PLCG2: variants seen among roughly 807,000 people sequenced by gnomAD.
PLCG2 encodes 1-phosphatidylinositol 4,5-bisphosphate phosphodiesterase gamma-2.
In PLCG2, 69 loss-of-function variants were observed where a neutral mutation model predicts 175.6. The observed-to-expected ratio is 0.39, with a 90% CI of 0.32 to 0.48. PLCG2 has a LOEUF of 0.48. Among genes scored for constraint, PLCG2 ranks in the 20% least tolerant of loss-of-function variants. The probability of loss-of-function intolerance (pLI) is 0.91; values close to 1 mark genes in which losing one functional copy is unlikely to be tolerated. For missense variants in PLCG2, 1,798 were observed against 1,650.9 expected (o/e 1.09, Z -1.54); for synonymous variants, 827 against 624.0 (o/e 1.33, Z -4.85).
At chr16:81,892,080 G>C (rs984069414) in intron 11 of PLCG2, among the ~76,000 whole-genome samples, 1 of 152,190 alleles carries the variant, frequency 6.6e-6, no homozygotes, top group Admixed American at 6.5e-5. Flanking sequence ...GCTGATGTGG[G>C]GAGCAGGTGG....
intron 2 of PLCG2, among the ~76,000 whole-genome samples, chr16:81,822,904 C>T (rs1904868424): frequency 6.6e-6 from 1 of 152,206 alleles, no homozygotes; most frequent in South Asian, 2.1e-4. Context: ...GCGGCCACTG[C>T]AAGGTGAAAA....
intron 19 of PLCG2, among the ~76,000 whole-genome samples, chr16:81,918,484 A>G (rs1909932567): frequency 6.6e-6 from 1 of 152,132 alleles, no homozygotes; most frequent in Non-Finnish European, 1.5e-5. Flanking sequence ...AGGTTTCCCA[A>G]CCCTACTTAT....
At chr16:81,905,288 G>A in intron 14 of PLCG2, 115 bp from the exon 15 acceptor site, 1 of 696,534 alleles carries the variant, frequency 1.4e-6, no homozygotes, top group South Asian at 1.7e-5. Context: ...AAGCCAGGCA[G>A]CAAGAACAGG....
chr16:81,819,596 A>T (rs1278549428), intron 2 of PLCG2, among the ~76,000 whole-genome samples: 1 of 152,030 alleles, frequency 6.6e-6, no homozygotes, highest in Admixed American at 6.6e-5. Flanking sequence ...TATTATTATT[A>T]TTTTTTGAGA....
At chr16:81,912,884 C>T (rs925135909) in intron 19 of PLCG2, among the ~76,000 whole-genome samples, 168 bp downstream of exon 19, 1 of 152,266 alleles carries the variant, frequency 6.6e-6, no homozygotes, top group Admixed American at 6.5e-5. Flanking sequence ...AATGTGCGCT[C>T]CTGCGTGCCA....
chr16:81,923,528 G>T lies in PLCG2; in HGVS notation c.2351G>T (p.Arg784Leu). 6.2e-7 allele frequency: 1 copy of T among 1,613,852 alleles called. No individual in the cohort carries two copies. Among genetic ancestry groups the T allele is most frequent in the Non-Finnish European group, 8.5e-7 (1 of 1,179,840 alleles). Residue 784 changes from arginine (R) to leucine (L), a missense_variant, in exon 22 of 33, where the codon CGA (arginine) becomes CTA (leucine). Arg to Leu is a moderately radical substitution (Grantham distance 102). Coordinates refer to ENST00000564138, the MANE Select transcript of PLCG2 (RefSeq NM_002661.5). Reference protein sequence around the residue: ...VKALYDYKAKRSDELSFCRGA... With the variant: ...VKALYDYKAKLSDELSFCRGA... ...GCTCTGTATGACTACAAAGCCAAGCGAAGCGATGAGCTGAGCTTCTGCCGT... is the reference window on the plus strand; with the variant it reads ...GCTCTGTATGACTACAAAGCCAAGCTAAGCGATGAGCTGAGCTTCTGCCGT...
intron 2 of PLCG2, among the ~76,000 whole-genome samples, chr16:81,762,693 C>T (rs564656234): frequency 6.6e-6 from 1 of 152,090 alleles, no homozygotes; most frequent in South Asian, 2.1e-4. Context: ...GACTTCCTGA[C>T]AATGGGAAAA....
chr16:81,919,387 C>A, intron 19 of PLCG2, 97 bp from the exon 20 acceptor site: 1 of 886,524 alleles, frequency 1.1e-6, no homozygotes, highest in Non-Finnish European at 1.8e-6. Context: ...TTCTCTAAGG[C>A]TGGATAACTA....
chr16:81,802,743 G>A (rs1911789970), intron 2 of PLCG2, among the ~76,000 whole-genome samples: 1 of 151,896 alleles, frequency 6.6e-6, no homozygotes, highest in Admixed American at 6.6e-5. Context: ...AGCTGATTTT[G>A]TATTTTTAGT....
chr16:81,912,446 T>G, intron 18 of PLCG2, 151 bp from the exon 19 acceptor site: 1 of 908,958 alleles, frequency 1.1e-6, no homozygotes, highest in Non-Finnish European at 1.6e-6. Flanking sequence ...TGAGGTGCCT[T>G]TGTCTGGGGA....
intron 13 of PLCG2, among the ~76,000 whole-genome samples, chr16:81,899,334 A>G (rs1287351926): frequency 2.0e-5 from 3 of 151,924 alleles, no homozygotes; most frequent in East Asian, 1.9e-4. Flanking sequence ...ATATACGTAT[A>G]TATGTATATA....
chr16:81,883,999 C>T (rs755013777), intron 9 of PLCG2, among the ~76,000 whole-genome samples: 3 of 152,224 alleles, frequency 2.0e-5, no homozygotes, highest in Non-Finnish European at 4.4e-5. Context: ...AGGTCAACAC[C>T]AGGGATGTTC....
chr16:81,759,702 C>G (rs1049754224), intron 2 of PLCG2, among the ~76,000 whole-genome samples: 5 of 152,230 alleles, frequency 3.3e-5, no homozygotes, highest in South Asian at 2.1e-4. Flanking sequence ...CCAAGGATAG[C>G]TTATAGCTTG....
intron 2 of PLCG2, among the ~76,000 whole-genome samples, chr16:81,806,178 T>C (rs1437017689): frequency 6.6e-6 from 1 of 152,060 alleles, no homozygotes; most frequent in African/African-American, 2.4e-5. Flanking sequence ...TTCTGAGTGT[T>C]CAAAAGCCAC....
Position 81,805,767 on chromosome 16 carries a change from GTTTTTTTTTTTTTTTGTTT to G in PLCG2, c.193+19598_193+19616del, listed in dbSNP as rs943191397. On this transcript the variant is annotated intron_variant, in intron 2 of 32. Transcript: ENST00000564138. ...AGCCATGAGAGTAGTGTTTTGTTTTGTTTTTTTTTTTTTTTGTTTTTTTTTTTTTTTGCTGTTATTGTTG... is the reference window on the plus strand; with the variant it reads ...AGCCATGAGAGTAGTGTTTTGTTTTGTTTTTTTTTTTTGCTGTTATTGTTG... Among the ~76,000 whole-genome samples, 4 of 39,530 alleles carry G rather than the reference GTTTTTTTTTTTTTTTGTTT, an allele frequency of 1.0e-4. No homozygotes were observed. The East Asian group carries it at 1.6e-3, about 15-fold the overall frequency. The allele number at this position is 39,530 out of a possible 152,430, so 25.9% of individuals were successfully genotyped here.
chr16:81,898,888 T>G (rs1299601913), intron 13 of PLCG2, among the ~76,000 whole-genome samples: 1 of 152,148 alleles, frequency 6.6e-6, no homozygotes. Context: ...TGTGTATAAA[T>G]GAAATACAAA....
chr16:81,745,866 G>T (rs1366460454), intron 1 of PLCG2, among the ~76,000 whole-genome samples: 1 of 152,200 alleles, frequency 6.6e-6, no homozygotes, highest in African/African-American at 2.4e-5. Flanking sequence ...TTCAGAGGCC[G>T]AGTTCAGCGG....
At chr16:81,814,405 C>T (rs1361064807) in intron 2 of PLCG2, among the ~76,000 whole-genome samples, 1 of 151,888 alleles carries the variant, frequency 6.6e-6, no homozygotes, top group South Asian at 2.1e-4. Context: ...GAAAGGTACC[C>T]ATGGGGACTG....
At chr16:81,853,282 G>T (rs1184209007) in intron 2 of PLCG2, among the ~76,000 whole-genome samples, 1 of 151,594 alleles carries the variant, frequency 6.6e-6, no homozygotes, top group East Asian at 1.9e-4. Flanking sequence ...AGTGAGCTGA[G>T]ATCATGCCAC....
Sources: allele counts gnomAD v4.1 joint callset (sites outside exome capture counted in the v4.1 genomes callset), GRCh38; gene constraint gnomAD v4.1.1; transcripts MANE v1.5; gene names NCBI Gene and HGNC (gene_info 2026-07-23, HGNC 2026-07-21).